MTOR: variants seen among roughly 807,000 people sequenced by gnomAD.
MTOR encodes the protein serine/threonine-protein kinase mTOR.
In MTOR, 70 loss-of-function variants were observed where a neutral mutation model predicts 319.8. The observed-to-expected ratio is 0.22, with a 90% CI of 0.18 to 0.27. The LOEUF is 0.27. Among genes scored for constraint, MTOR ranks in the 10% least tolerant of loss-of-function variants. The pLI is 1.00. For missense variants in MTOR, 1,890 were observed against 3,274.4 expected, an observed-to-expected ratio of 0.58 and a Z score of 10.32; for synonymous variants, 1,183 against 1,211.4, an observed-to-expected ratio of 0.98 and a Z score of 0.49.
At chr1:11,192,412 C>T (rs28991004) in intron 28 of MTOR, 2 of 1,492,802 alleles carry the variant, frequency 1.3e-6, no homozygotes, top group African/African-American at 2.8e-5. Flanking sequence ...AATACCTGTC[C>T]TTCACCCCCT....
Position 11,127,214 on chromosome 1 carries a change from G to A in MTOR, c.6217-70C>T, listed in dbSNP as rs928036607. 2 of 1,593,932 alleles carry A rather than the reference G, an allele frequency of 1.3e-6. No homozygotes were observed. Among genetic ancestry groups the A allele is most frequent in the Non-Finnish European group, 8.5e-7 (1 of 1,170,376 alleles). On this transcript the variant is annotated intron_variant, in intron 44 of 57. Transcript: ENST00000361445. This position sits in a 1 kb window ranked among gnomAD's most constrained non-coding sequence, Gnocchi z 5.5. ...CCAACCCAGGAGGCAAAATCCCCAG[G>A]CTGACTGCAGATATTCCTCAGGAGC...
intron 16 of MTOR, 112 bp from the exon 17 acceptor site, chr1:11,231,546 G>A: frequency 7.5e-7 from 1 of 1,339,758 alleles, no homozygotes; most frequent in Non-Finnish European, 1.0e-6. Context: ...AAGAAGAAAA[G>A]AGGTTTCCAG....
At position 11,204,707 on chromosome 1, in the gene MTOR, T is replaced by C. The variant is rs74052909; in HGVS notation, c.3802-4A>G. The C allele has an allele frequency of 6.6e-5, 106 of 1,613,746 alleles. 1 individual carries two copies. In the African/African-American group the frequency reaches 1.3e-3, roughly 19 times the overall value. The stretch of plus-strand genomic sequence containing the variant: ...CCCTCCTGGCAGCGCCCCAGGCCTG[T>C]GATCCCACAGGTGACAATGGAAAAC... On this transcript the variant is annotated splice_region_variant and splice_polypyrimidine_tract_variant and intron_variant, in intron 25 of 57. Transcript: ENST00000361445.
chr1:11,160,417 T>C (rs1644442880), intron 29 of MTOR, among the ~76,000 whole-genome samples: 1 of 152,204 alleles, frequency 6.6e-6, no homozygotes, highest in South Asian at 2.1e-4. Flanking sequence ...ATATATTTTC[T>C]AAAGAACTGG....
chr1:11,150,863 C>G (rs1013516296), intron 30 of MTOR, among the ~76,000 whole-genome samples: 1 of 152,136 alleles, frequency 6.6e-6, no homozygotes, highest in Non-Finnish European at 1.5e-5. Flanking sequence ...AGAATAGGGT[C>G]TTGCTATTGA....
chr1:11,188,234 T>C (rs1645386086), intron 28 of MTOR, among the ~76,000 whole-genome samples: 1 of 152,234 alleles, frequency 6.6e-6, no homozygotes, highest in African/African-American at 2.4e-5. Flanking sequence ...GAGGAACCTT[T>C]GTATAGATTC....
chr1:11,154,041 C>T (rs1216950237), intron 30 of MTOR, among the ~76,000 whole-genome samples: 57 of 112,686 alleles, frequency 5.1e-4, no homozygotes, highest in African/African-American at 1.9e-3. Flanking sequence ...TGCACTCCAG[C>T]CTGGGTGACA....
chr1:11,157,162 A>C lies in MTOR; in HGVS notation c.4459T>G (p.Leu1487Val). The C allele has an allele frequency of 6.2e-7, 1 of 1,607,044 alleles. No homozygotes were observed. Among genetic ancestry groups the C allele is most frequent in the Non-Finnish European group, 8.5e-7 (1 of 1,177,032 alleles). ...TTCTAGGAAGCTCACCATTCCCCCA[A>C]GGCCTCGAGGCAGCGCATGCGGCCC... ...MLGRMRCLEA[L>V]GEWGQLHQQC... The change falls in exon 30 of 58, where the codon TTG (leucine) becomes GTG (valine). Residue 1487 changes from leucine to valine, a missense_variant. Physicochemically the swap from Leu to Val is conservative, Grantham distance 32. Transcript: ENST00000361445.
intron 11 of MTOR, 139 bp downstream of exon 11, chr1:11,240,164 G>T: frequency 1.7e-6 from 2 of 1,207,342 alleles, no homozygotes; most frequent in South Asian, 1.9e-5. Context: ...AAAGAGTCTA[G>T]GAAGGATGAG....
At chr1:11,124,424 T>G (rs546593811) in intron 47 of MTOR, 74 bp downstream of exon 47, 2 of 1,556,268 alleles carry the variant, frequency 1.3e-6, no homozygotes, top group Non-Finnish European at 1.8e-6. Flanking sequence ...ATATAATACA[T>G]GACTACACGA....
rs1649078417 is a variant in MTOR at position 11,248,037 on chromosome 1, A to G, written c.898T>C (p.Cys300Arg). The change falls in exon 7 of 58, where the codon TGC becomes CGC. Residue 300 changes from cysteine (C) to arginine (R), a missense_variant. Cys to Arg is a radical substitution (Grantham distance 180). Around this residue, in one of 15 missense-constraint regions of MTOR, gnomAD observed 418 missense variants for 543.1 expected, o/e 0.77. Coordinates refer to ENST00000361445, the MANE Select transcript of MTOR (RefSeq NM_004958.4). ...GTTCCGAAGCCCATGAGATCTTTGC[A>G]GTACTTGTCGTGTACCAGCTGCTGC... ...TQQQLVHDKY[C>R]KDLMGFGTKP... 1 of 1,614,002 alleles carries G rather than the reference A, an allele frequency of 6.2e-7. No homozygotes were observed. Among genetic ancestry groups the G allele is most frequent in the Admixed American group, 1.7e-5 (1 of 60,004 alleles).
In MTOR at chr1:11,127,172, A is replaced by G. The variant is rs1176013873; in HGVS notation, c.6217-28T>C. On this transcript the variant is annotated intron_variant, in intron 44 of 57. Coordinates refer to ENST00000361445, the MANE Select transcript of MTOR (RefSeq NM_004958.4). The surrounding 1 kb of genome is among the most constrained non-coding windows in gnomAD (Gnocchi z 5.5). ...GAGAGAGAAAGCAGGCACGTTTTCA[A>G]GTTATCAAAGTCTCAACCAACCCAG... is the stretch of plus-strand genomic sequence containing the variant. 5 of 1,612,580 alleles carry G rather than the reference A, an allele frequency of 3.1e-6. No homozygotes were observed. Among genetic ancestry groups the G allele is most frequent in the Non-Finnish European group, 4.2e-6 (5 of 1,179,700 alleles).
chr1:11,141,551 T>G (rs1240871652), intron 34 of MTOR, among the ~76,000 whole-genome samples: 1 of 151,926 alleles, frequency 6.6e-6, no homozygotes, highest in Non-Finnish European at 1.5e-5. Flanking sequence ...GTATTTTTAG[T>G]AGATACGGGG....
At position 11,129,894 on chromosome 1, in the gene MTOR, A is replaced by T. The variant is rs1643030225; in HGVS notation, c.5614-56T>A. The T allele has an allele frequency of 6.7e-7, 1 of 1,495,340 alleles. No homozygotes were observed. Among genetic ancestry groups the T allele is most frequent in the Non-Finnish European group, 9.3e-7 (1 of 1,074,872 alleles). The allele number at this position is 1,495,340 out of a possible 1,614,324, so 92.6% of individuals were successfully genotyped here. A position where few individuals can be genotyped will look rare whatever the true frequency, so the allele number is the denominator to read the frequency against. On this transcript the variant is annotated intron_variant, in intron 39 of 57. Coordinates refer to ENST00000361445, the MANE Select transcript of MTOR (RefSeq NM_004958.4). This position sits in a 1 kb window ranked among gnomAD's most constrained non-coding sequence, Gnocchi z 4.7. ...CTTGCCTCTGCTTTCTCATCTGTAA[A>T]ATGGGCATAAGAGCATACTAACTGT...
At chr1:11,165,440 T>C (rs969625930) in intron 29 of MTOR, among the ~76,000 whole-genome samples, 3 of 152,086 alleles carry the variant, frequency 2.0e-5, no homozygotes, top group Non-Finnish European at 4.4e-5. Flanking sequence ...AGCATTCTTA[T>C]ACACCAATAA....
At chr1:11,195,094 A>T in intron 28 of MTOR, 5 of 1,504,406 alleles carry the variant, frequency 3.3e-6, no homozygotes, top group Non-Finnish European at 4.5e-6. Context: ...AGATGAGGAC[A>T]GGAAGAGAGT....
In MTOR at chr1:11,107,278, C is replaced by T; in HGVS notation, c.*207G>A. The T allele has an allele frequency of 6.9e-7, 1 of 1,446,988 alleles. No individual in the cohort carries two copies. The highest frequency in any genetic ancestry group is 9.1e-7 in the Non-Finnish European group (1 of 1,098,004). 89.6% of individuals were successfully genotyped at this position (1,446,988 alleles called of 1,614,324 possible). ...TGTTTCACTGTCCTGGGAACCAAAT[C>T]AAGCCTTGTGTTTCTGACAATATAT... On this transcript the variant is annotated 3_prime_UTR_variant, in exon 58 of 58. Coordinates refer to ENST00000361445, the MANE Select transcript of MTOR (RefSeq NM_004958.4).
chr1:11,231,735 A>G (rs1647023202), intron 16 of MTOR, among the ~76,000 whole-genome samples: 2 of 152,154 alleles, frequency 1.3e-5, no homozygotes, highest in South Asian at 4.1e-4. Flanking sequence ...GGAAATTAAG[A>G]TTTTTTGTTG....
At chr1:11,233,215 G>A (rs1401583784) in intron 15 of MTOR, 183 bp downstream of exon 15, 4 of 815,840 alleles carry the variant, frequency 4.9e-6, no homozygotes, top group Non-Finnish European at 8.0e-6. Flanking sequence ...CTGGAGAGTT[G>A]GACATGTTTT....
Sources: allele counts gnomAD v4.1 joint callset (sites outside exome capture counted in the v4.1 genomes callset), GRCh38; gene constraint gnomAD v4.1.1; regional missense constraint gnomAD v4.1.1; non-coding constraint Gnocchi (gnomAD v3.1); transcripts MANE v1.5; gene names NCBI Gene and HGNC (gene_info 2026-07-23, HGNC 2026-07-21).